The following DLG2 variants were observed in gnomAD, a reference collection of about 807,000 sequenced individuals.
DLG2 encodes discs large MAGUK scaffold protein 2.
A neutral mutation model predicts 132.5 loss-of-function variants in DLG2; 45 were observed. The ratio of observed to expected loss-of-function variants is 0.34; its 90% CI spans 0.27 to 0.44. The LOEUF is 0.44. DLG2 is among the 20% of genes least tolerant of loss of function. DLG2 has a pLI of 1.00. For missense variants in DLG2, 1,045 were observed against 1,196.9 expected (o/e 0.87, Z 1.87); for synonymous variants, 424 against 419.6 (o/e 1.01, Z -0.13).
chr11:84,311,949 G>A (rs759442492), intron 7 of DLG2, among the ~76,000 whole-genome samples: 1 of 152,004 alleles, frequency 6.6e-6, no homozygotes, highest in African/African-American at 2.4e-5. Flanking sequence ...ATTTAATTCC[G>A]TCAAAGTATC....
At chr11:84,132,914 G>C (rs540008679) in intron 9 of DLG2, among the ~76,000 whole-genome samples, 12 of 152,126 alleles carry the variant, frequency 7.9e-5, no homozygotes, top group African/African-American at 2.4e-4. Flanking sequence ...AAATATCCAT[G>C]TGTCTTAAAC....
chr11:84,596,594 T>A (rs76327489), intron 6 of DLG2, among the ~76,000 whole-genome samples: 1 of 152,050 alleles, frequency 6.6e-6, no homozygotes, highest in African/African-American at 2.4e-5. Flanking sequence ...ATGAAGGCAT[T>A]TCTAACAATT....
At chr11:83,850,310 C>T (rs2059517487) in intron 16 of DLG2, among the ~76,000 whole-genome samples, 2 of 152,108 alleles carry the variant, frequency 1.3e-5, no homozygotes, top group African/African-American at 2.4e-5. Flanking sequence ...TGTGCCACCA[C>T]TCCCGGCTAA....
intron 18 of DLG2, among the ~76,000 whole-genome samples, chr11:83,651,207 A>G (rs1308854810): frequency 6.6e-6 from 1 of 152,226 alleles, no homozygotes; most frequent in East Asian, 1.9e-4. Flanking sequence ...ATTGAATTGA[A>G]TAAGAAAACT....
intron 3 of DLG2, among the ~76,000 whole-genome samples, chr11:85,552,936 TAAAAA>T (rs1308281199): frequency 6.6e-6 from 1 of 151,272 alleles, no homozygotes; most frequent in Non-Finnish European, 1.5e-5. Flanking sequence ...CGCAAAAAAT[TAAAAA>T]GAAATCCACA....
chr11:83,992,257 C>A (rs990537422), intron 11 of DLG2, among the ~76,000 whole-genome samples: 1 of 152,012 alleles, frequency 6.6e-6, no homozygotes, highest in Non-Finnish European at 1.5e-5. Flanking sequence ...GTGTTCTTGT[C>A]CTCATGCAGC....
chr11:83,845,473 C>T (rs1185152647), intron 16 of DLG2, among the ~76,000 whole-genome samples: 3 of 152,106 alleles, frequency 2.0e-5, no homozygotes, highest in African/African-American at 7.2e-5. Context: ...GCCAAATAAT[C>T]AGTCAAACAG....
rs975168628 is a variant in DLG2, at chr11:84,372,959, G to A, written c.520-121668C>T. Among the ~76,000 whole-genome samples the A allele has an allele frequency of 3.3e-5, 5 of 152,054 alleles. No homozygotes were observed. In the East Asian group the frequency reaches 5.8e-4, roughly 18 times the overall value. On this transcript the variant is annotated intron_variant, in intron 7 of 27. Coordinates refer to ENST00000376104, the MANE Select transcript of DLG2 (RefSeq NM_001142699.3). ...TACCAAATACCTAAAAATATAGCAA[G>A]AGATGAAACCACGAGAGTTACTGGC...
intron 4 of DLG2, among the ~76,000 whole-genome samples, chr11:85,280,643 C>A (rs1223873500): frequency 6.6e-6 from 1 of 151,926 alleles, no homozygotes; most frequent in Non-Finnish European, 1.5e-5. Context: ...GATGCTGTGT[C>A]CATTTTTTTA....
chr11:84,971,318 C>T (rs2054067529), intron 6 of DLG2, among the ~76,000 whole-genome samples: 1 of 152,078 alleles, frequency 6.6e-6, no homozygotes, highest in Admixed American at 6.5e-5. Flanking sequence ...TAACGTTTCT[C>T]ATAAAGGAGA....
chr11:84,937,113 T>C (rs11826658), intron 6 of DLG2, among the ~76,000 whole-genome samples: 2,940 of 152,216 alleles, frequency 0.019, 89 homozygotes, highest in African/African-American at 0.066. Context: ...GATCATGCCA[T>C]TGCACTCCAG....
intron 4 of DLG2, among the ~76,000 whole-genome samples, chr11:85,213,521 T>C (rs1216867685): frequency 6.6e-6 from 1 of 152,118 alleles, no homozygotes; most frequent in East Asian, 1.9e-4. Context: ...GTCTGGGGTA[T>C]GAGAAGCAGT....
At chr11:85,168,035 A>C (rs1378223288) in intron 4 of DLG2, among the ~76,000 whole-genome samples, 1 of 152,154 alleles carries the variant, frequency 6.6e-6, no homozygotes, top group African/African-American at 2.4e-5. Flanking sequence ...AAATAAAACT[A>C]GGCACAACCT....
chr11:83,922,401 G>C (rs1400311), intron 15 of DLG2, among the ~76,000 whole-genome samples: 104,704 of 151,608 alleles, frequency 0.69, 36,913 homozygotes, highest in Middle Eastern at 0.83. Flanking sequence ...TTCAAAAAGG[G>C]AGTGACAGCG....
At chr11:84,986,609 G>C (rs1295859880) in intron 6 of DLG2, among the ~76,000 whole-genome samples, 3 of 151,968 alleles carry the variant, frequency 2.0e-5, no homozygotes, top group Non-Finnish European at 4.4e-5. Context: ...GGGATCCAGG[G>C]ATGGTTACGT....
At chr11:85,206,072 A>G (rs1178024316) in intron 4 of DLG2, among the ~76,000 whole-genome samples, 1 of 152,086 alleles carries the variant, frequency 6.6e-6, no homozygotes, top group Non-Finnish European at 1.5e-5. Context: ...CTACTGTACT[A>G]TCCTCAAGAT....
intron 3 of DLG2, among the ~76,000 whole-genome samples, chr11:85,338,474 T>G (rs2082274270): frequency 6.6e-6 from 1 of 152,128 alleles, no homozygotes; most frequent in Non-Finnish European, 1.5e-5. Flanking sequence ...TACAATTAGG[T>G]TCATTTCTTA....
At chr11:84,990,174 T>C (rs915001321) in intron 6 of DLG2, among the ~76,000 whole-genome samples, 9 of 152,208 alleles carry the variant, frequency 5.9e-5, no homozygotes, top group Admixed American at 2.0e-4. Context: ...AATTTAAAAA[T>C]AGGCCAGTGA....
chr11:83,770,938 G>A (rs951215734), intron 18 of DLG2, among the ~76,000 whole-genome samples: 3 of 152,036 alleles, frequency 2.0e-5, no homozygotes, highest in South Asian at 2.1e-4. Flanking sequence ...TATTAAAAAC[G>A]TTTTCTCTTG....
Sources: allele counts gnomAD v4.1 joint callset (sites outside exome capture counted in the v4.1 genomes callset), GRCh38; gene constraint gnomAD v4.1.1; transcripts MANE v1.5; gene names NCBI Gene and HGNC (gene_info 2026-07-23, HGNC 2026-07-21).